The following FAM110B variants were observed in gnomAD, a reference collection of about 807,000 sequenced individuals.
FAM110B encodes the protein family with sequence similarity 110 member B.
Under a neutral mutation model 20.4 loss-of-function variants are expected in FAM110B, and 6 were observed. That is an observed-to-expected ratio of 0.29 (90% confidence interval 0.16 to 0.58). The LOEUF (loss-of-function observed/expected upper bound fraction) is 0.58, where lower values mean the gene tolerates loss of function less well. Among genes scored for constraint, FAM110B ranks in the 20% least tolerant of loss-of-function variants. The pLI is 0.90. For missense variants in FAM110B, 434 were observed against 498.2 expected, an observed-to-expected ratio of 0.87 and a Z score of 1.23; for synonymous variants, 226 against 214.1, an observed-to-expected ratio of 1.06 and a Z score of -0.49.
chr8:58,082,119 A>G (rs909173380), intron 3 of FAM110B, among the ~76,000 whole-genome samples: 4 of 152,178 alleles, frequency 2.6e-5, no homozygotes, highest in African/African-American at 9.7e-5. Flanking sequence ...GAGATTGTAG[A>G]TGGCTTTGCA....
chr8:58,082,519 A>G (rs1806224060), intron 3 of FAM110B, among the ~76,000 whole-genome samples: 1 of 152,208 alleles, frequency 6.6e-6, no homozygotes, highest in South Asian at 2.1e-4. Context: ...TACATTCTTT[A>G]GTCTATGAGG....
At chr8:58,065,423 G>A (rs1805740597) in intron 2 of FAM110B, among the ~76,000 whole-genome samples, 1 of 152,088 alleles carries the variant, frequency 6.6e-6, no homozygotes, top group Non-Finnish European at 1.5e-5. Flanking sequence ...TGAATAATGA[G>A]GTAAACACTT....
intron 3 of FAM110B, among the ~76,000 whole-genome samples, chr8:58,127,866 T>C (rs1454060261): frequency 6.6e-6 from 1 of 152,206 alleles, no homozygotes; most frequent in Non-Finnish European, 1.5e-5. Context: ...CTAGTGAAGA[T>C]GTCAGATTTC....
At chr8:58,040,795 A>G (rs1805199554) in intron 2 of FAM110B, among the ~76,000 whole-genome samples, 1 of 152,180 alleles carries the variant, frequency 6.6e-6, no homozygotes, top group Non-Finnish European at 1.5e-5. Context: ...ATGAGACTGA[A>G]AATGTCCACT....
In FAM110B at chr8:58,043,523, G is replaced by A. The variant is rs907740446; in HGVS notation, c.-414+11820G>A. 2.6e-5 allele frequency among the ~76,000 whole-genome samples: 4 copies of A among 151,366 alleles called. No individual in the cohort carries two copies. The East Asian group carries it at 5.8e-4, about 22-fold the overall frequency. On this transcript the variant is annotated intron_variant, in intron 2 of 3. Coordinates refer to ENST00000519262, the MANE Select transcript of FAM110B (RefSeq NM_001377989.1). The stretch of plus-strand genomic sequence containing the variant: ...AAGTTCTAGGGTACATGTGCACAAC[G>A]TGCAAGTTTGTTACATATGTAAACA...
At chr8:58,051,988 T>C (rs1407937200) in intron 2 of FAM110B, among the ~76,000 whole-genome samples, 1 of 152,260 alleles carries the variant, frequency 6.6e-6, no homozygotes, top group Non-Finnish European at 1.5e-5. Flanking sequence ...TCTGTCTGTT[T>C]GAATCATTAA....
Position 58,147,223 on chromosome 8 carries a change from T to A in FAM110B, c.993T>A (p.Asp331Glu). The A allele has an allele frequency of 6.2e-7, 1 of 1,614,104 alleles. No individual in the cohort carries two copies. The change falls in exon 4 of 4, where the codon GAT becomes GAA. Residue 331 changes from aspartate to glutamate, a missense_variant. By Grantham distance (45) the Asp-to-Glu change is conservative (BLOSUM62 2). Around this residue, in one of 3 missense-constraint regions of FAM110B, gnomAD observed 94 missense variants for 137.8 expected, o/e 0.68. Coordinates refer to ENST00000519262, the MANE Select transcript of FAM110B (RefSeq NM_001377989.1). Reference sequence around the variant, plus strand: ...ACAGTAACAGTGACCTTAGAAATGATGACAGTGCCAATGACCGCGTGCCGT... The same window carrying A: ...ACAGTAACAGTGACCTTAGAAATGAAGACAGTGCCAATGACCGCGTGCCGT... Reference protein sequence around the residue: ...SQDSNSDLRNDDSANDRVPYG... With the variant: ...SQDSNSDLRNEDSANDRVPYG...
At position 58,134,980 on chromosome 8, in the gene FAM110B, T is replaced by A. The variant is rs184596772; in HGVS notation, c.-324-10927T>A. Among the ~76,000 whole-genome samples the A allele has an allele frequency of 3.9e-5, 6 of 152,152 alleles. No individual in the cohort carries two copies. In the South Asian group the frequency reaches 1.2e-3, roughly 32 times the overall value. On this transcript the variant is annotated intron_variant, in intron 3 of 3. Coordinates refer to ENST00000519262, the MANE Select transcript of FAM110B (RefSeq NM_001377989.1). ...GTAGATTTTCAGAAGTAAAATATAA[T>A]TAGTGTGGGTGCCTGAGCCATATTA...
chr8:58,070,266 C>T (rs1001561483), intron 2 of FAM110B: 1 of 152,126 alleles, frequency 6.6e-6, no homozygotes, highest in Admixed American at 6.5e-5. Context: ...TGGAGGTGCT[C>T]GGCTGGTAAC....
At chr8:58,138,787 G>A (rs933546758) in intron 3 of FAM110B, among the ~76,000 whole-genome samples, 2 of 152,184 alleles carry the variant, frequency 1.3e-5, no homozygotes, top group Non-Finnish European at 1.5e-5. Flanking sequence ...TAACTTTTCC[G>A]TTTGATCAAC....
At chr8:58,136,229 C>G (rs1803611309) in intron 3 of FAM110B, among the ~76,000 whole-genome samples, 2 of 152,012 alleles carry the variant, frequency 1.3e-5, no homozygotes, top group African/African-American at 4.8e-5. Context: ...CCAGGATGGT[C>G]TCGATCTCCT....
At chr8:58,091,933 G>A (rs1806489784) in intron 3 of FAM110B, among the ~76,000 whole-genome samples, 1 of 152,000 alleles carries the variant, frequency 6.6e-6, no homozygotes, top group Non-Finnish European at 1.5e-5. Context: ...AGAAGTCTAA[G>A]GTTAATATCT....
intron 3 of FAM110B, among the ~76,000 whole-genome samples, chr8:58,122,778 G>C (rs1057253959): frequency 6.7e-6 from 1 of 148,524 alleles, no homozygotes; most frequent in Non-Finnish European, 1.5e-5. Context: ...TTGATTATTT[G>C]AGTAGTCTCT....
At chr8:58,064,001 A>G (rs1805710764) in intron 2 of FAM110B, among the ~76,000 whole-genome samples, 1 of 152,216 alleles carries the variant, frequency 6.6e-6, no homozygotes, top group African/African-American at 2.4e-5. Context: ...CAATCATGGC[A>G]GAAGGCAAAG....
At chr8:58,115,115 T>G (rs1018125093) in intron 3 of FAM110B, among the ~76,000 whole-genome samples, 3 of 152,118 alleles carry the variant, frequency 2.0e-5, no homozygotes, top group African/African-American at 7.2e-5. Context: ...TCCAAAATAT[T>G]TCATTGCTCA....
chr8:58,117,910 C>T (rs536757391), intron 3 of FAM110B, among the ~76,000 whole-genome samples: 49 of 152,020 alleles, frequency 3.2e-4, no homozygotes, highest in Admixed American at 3.9e-4. Flanking sequence ...AGAAAACTAA[C>T]GGACATTAAA....
In FAM110B at chr8:58,139,772, CA is replaced by C. The variant is rs999245678; in HGVS notation, c.-324-6127del. ...TGAAACCCCGTCTCTACTAAAATTA[CA>C]AAAAAAATTAGCTGGGCATGGTGGC... On this transcript the variant is annotated intron_variant, in intron 3 of 3. Transcript: ENST00000519262. 7.3e-5 allele frequency among the ~76,000 whole-genome samples: 11 copies of C among 151,724 alleles called. No individual in the cohort carries two copies. In the East Asian group the frequency reaches 1.7e-3, roughly 24 times the overall value.
At chr8:58,145,709 G>C (rs1803846310) in intron 3 of FAM110B, among the ~76,000 whole-genome samples, 198 bp from the exon 4 acceptor site, 1 of 152,244 alleles carries the variant, frequency 6.6e-6, no homozygotes, top group Admixed American at 6.5e-5. Context: ...ACAGCGTTGT[G>C]CTGCCGCGCG....
intron 1 of FAM110B, among the ~76,000 whole-genome samples, chr8:58,017,707 A>G (rs556310484): frequency 1.3e-5 from 2 of 152,270 alleles, no homozygotes; most frequent in African/African-American, 4.8e-5. Flanking sequence ...GAAGAAAGAT[A>G]TCCACAAGCT....
Sources: gnomAD v4.1 joint callset for allele counts (sites outside exome capture counted in the v4.1 genomes callset) on GRCh38, gnomAD v4.1.1 for gene constraint, gnomAD v4.1.1 regional missense constraint, MANE v1.5 for transcripts, NCBI Gene and HGNC (gene_info 2026-07-23, HGNC 2026-07-21) for gene names.